The following CUX1 variants were observed in gnomAD, a reference collection of about 807,000 sequenced individuals.
CUX1 encodes the protein cut like homeobox 1, also known as protein CASP.
A neutral mutation model predicts 158.8 loss-of-function variants in CUX1; 31 were observed. That is an observed-to-expected ratio of 0.20 (90% CI 0.15 to 0.26). The LOEUF (loss-of-function observed/expected upper bound fraction) is 0.26, where lower values mean the gene tolerates loss of function less well. CUX1 is among the 10% of genes least tolerant of loss of function. The pLI, the probability that CUX1 is intolerant of heterozygous loss-of-function variation, is 1.00. For synonymous variants in CUX1, 879 were observed against 862.1 expected, an observed-to-expected ratio of 1.02 and a Z score of -0.34; for missense variants, 1,589 against 2,014.6, an observed-to-expected ratio of 0.79 and a Z score of 4.04.
At chr7:102,112,615 G>A (rs1235695999) in intron 7 of CUX1, among the ~76,000 whole-genome samples, 2 of 151,406 alleles carry the variant, frequency 1.3e-5, no homozygotes, top group African/African-American at 4.9e-5. Flanking sequence ...TGTCACCCAG[G>A]CTGGGGTGCA....
chr7:101,924,215 C>G (rs571962907), intron 2 of CUX1, among the ~76,000 whole-genome samples: 1 of 151,996 alleles, frequency 6.6e-6, no homozygotes, highest in Admixed American at 6.6e-5. Context: ...GTTTTTCACT[C>G]TCGGTGAGAA....
At chr7:102,245,653 A>G (rs1018765538) in intron 23 of CUX1, among the ~76,000 whole-genome samples, 10 of 152,146 alleles carry the variant, frequency 6.6e-5, no homozygotes, top group Admixed American at 1.3e-4. Context: ...ACCATTCTCC[A>G]CATTTTTCAG....
intron 2 of CUX1, chr7:101,932,678 T>A (rs1336649411): frequency 2.3e-6 from 1 of 441,028 alleles, no homozygotes; most frequent in African/African-American, 2.0e-5. Context: ...TTTTCATTTA[T>A]TTTGTTTATA....
chr7:101,866,857 C>T (rs964316566), intron 1 of CUX1, among the ~76,000 whole-genome samples: 5 of 152,138 alleles, frequency 3.3e-5, no homozygotes, highest in South Asian at 2.1e-4. Flanking sequence ...CCTACAAAGG[C>T]GGCGCCATGG....
intron 1 of CUX1, among the ~76,000 whole-genome samples, chr7:101,828,297 A>G (rs566140553): frequency 1.1e-4 from 16 of 152,164 alleles, no homozygotes; most frequent in Admixed American, 4.6e-4. Flanking sequence ...TATTATGGAA[A>G]AAAAAAAATC....
intron 2 of CUX1, among the ~76,000 whole-genome samples, chr7:102,022,095 T>C (rs2129321521): frequency 6.6e-6 from 1 of 152,206 alleles, no homozygotes; most frequent in Non-Finnish European, 1.5e-5. Context: ...CACGAGGCCC[T>C]AAGATGGAGC....
chr7:102,126,953 A>G (rs1189641405), intron 8 of CUX1, among the ~76,000 whole-genome samples: 1 of 152,232 alleles, frequency 6.6e-6, no homozygotes, highest in Non-Finnish European at 1.5e-5. Context: ...TTAGATTCTC[A>G]TAAGGAGTGT....
At chr7:102,229,540 G>T (rs1183714665) in intron 21 of CUX1, among the ~76,000 whole-genome samples, 1 of 150,066 alleles carries the variant, frequency 6.7e-6, no homozygotes, top group African/African-American at 2.5e-5. Flanking sequence ...TCGAACTCCT[G>T]ACCTCAAGTG....
Position 102,248,386 on chromosome 7 carries a change from C to T in CUX1, c.3888-26C>T, listed in dbSNP as rs1801052245. 6 of 1,561,324 alleles carry T rather than the reference C, an allele frequency of 3.8e-6. No homozygotes were observed. The South Asian group carries it at 4.6e-5, about 12-fold the overall frequency. On this transcript the variant is annotated intron_variant, in intron 23 of 23. Transcript: ENST00000292535. The surrounding 1 kb of genome is among the most constrained non-coding windows in gnomAD (Gnocchi z 5.8). ...CCTTTCCCCAGCAGCACCCCCCTCA[C>T]GTCCCCGCCGCTTGTTGTCTTGTAG...
At chr7:102,266,310 G>A (rs1586499820) in intron 14 of CUX1, among the ~76,000 whole-genome samples, 1 of 151,870 alleles carries the variant, frequency 6.6e-6, no homozygotes, top group East Asian at 1.9e-4. Context: ...AGCCACCGAA[G>A]GGTCGCAGAG....
chr7:102,168,868 C>T (rs1191083067), intron 9 of CUX1, among the ~76,000 whole-genome samples: 2 of 150,952 alleles, frequency 1.3e-5, no homozygotes, highest in Non-Finnish European at 2.9e-5. Context: ...ACGATGGAGA[C>T]GCTGCTTGGC....
rs530480940 is a variant in CUX1 at position 101,918,077 on chromosome 7, C to T, written c.141+1852C>T. Among the ~76,000 whole-genome samples the T allele has an allele frequency of 2.7e-4, 41 of 152,308 alleles. 1 individual carries two copies. The South Asian group carries it at 7.7e-3, about 29-fold the overall frequency. On this transcript the variant is annotated intron_variant, in intron 2 of 23. Coordinates refer to ENST00000292535, the MANE Select transcript of CUX1 (RefSeq NM_181552.4). ...GGGCAAGGCCATCCTTCAGAGGCCA[C>T]GGACAATAAATACACGAGTGTATTC... is the stretch of plus-strand genomic sequence containing the variant.
At chr7:101,816,991 T>G (rs1791896395), upstream of CUX1, 1 of 983,214 alleles carries the variant, frequency 1.0e-6, no homozygotes, top group Non-Finnish European at 1.2e-6. Context: ...CCGCGCTCTT[T>G]TGTGTGCCTG....
chr7:102,181,896 T>C (rs1417989474), intron 11 of CUX1, among the ~76,000 whole-genome samples: 1 of 152,214 alleles, frequency 6.6e-6, no homozygotes, highest in East Asian at 1.9e-4. Flanking sequence ...AGGAATACAA[T>C]TATTAGGAAA....
At chr7:102,178,768 C>T in intron 11 of CUX1, 111 bp downstream of exon 11, 1 of 1,170,800 alleles carries the variant, frequency 8.5e-7, no homozygotes, top group East Asian at 2.6e-5. Context: ...AGTGTGGCAA[C>T]CTTGAACCTC....
chr7:102,017,471 G>A (rs576857508), intron 2 of CUX1, among the ~76,000 whole-genome samples: 1 of 106,304 alleles, frequency 9.4e-6, no homozygotes, highest in South Asian at 2.7e-4. Flanking sequence ...CACCATTCTC[G>A]CTAAGCTCCC....
rs959828884 is a variant in CUX1, at chr7:102,252,142, A to C, written c.*3100A>C. 2 of 984,950 alleles carry C rather than the reference A, an allele frequency of 2.0e-6. No individual in the cohort carries two copies. Among genetic ancestry groups the C allele is most frequent in the Middle Eastern group, 5.2e-4 (1 of 1,912 alleles). The allele number at this position is 984,950 out of a possible 1,614,324, so 61.0% of individuals were successfully genotyped here. A position where few individuals can be genotyped will look rare whatever the true frequency, so the allele number is the denominator to read the frequency against. On this transcript the variant is annotated 3_prime_UTR_variant, in exon 24 of 24. Transcript: ENST00000292535. ...ATTTATTTTTTTAAAAAAAATAGAG[A>C]TCCTAACCTTAGATCTTTGATGTGA...
At chr7:101,845,624 C>T (rs377229760) in intron 1 of CUX1, among the ~76,000 whole-genome samples, 2 of 152,284 alleles carry the variant, frequency 1.3e-5, no homozygotes, top group African/African-American at 4.8e-5. Context: ...CATGGCACAT[C>T]GTACATTTCT....
At chr7:102,065,795 T>G (rs1297835027) in intron 3 of CUX1, among the ~76,000 whole-genome samples, 2 of 152,004 alleles carry the variant, frequency 1.3e-5, no homozygotes, top group Non-Finnish European at 2.9e-5. Flanking sequence ...AGTGGTTTTT[T>G]TTTTGTTTTG....
Sources: gnomAD v4.1 joint callset for allele counts (sites outside exome capture counted in the v4.1 genomes callset) on GRCh38, gnomAD v4.1.1 for gene constraint, Gnocchi (gnomAD v3.1) non-coding constraint, MANE v1.5 for transcripts, NCBI Gene and HGNC (gene_info 2026-07-23, HGNC 2026-07-21) for gene names.